The following AIM2 variants were observed in gnomAD, a reference collection of about 807,000 sequenced individuals.
The protein encoded by AIM2 is absent in melanoma 2, also known as interferon-inducible protein AIM2.
A neutral mutation model predicts 27.7 loss-of-function variants in AIM2; 30 were observed. That is an observed-to-expected ratio of 1.08 (90% CI 0.81 to 1.47). The LOEUF (loss-of-function observed/expected upper bound fraction) is 1.47, where lower values mean the gene tolerates loss of function less well. Ranked by LOEUF, AIM2 falls within the 40% of genes most tolerant of loss-of-function variation. The probability of loss-of-function intolerance (pLI) is 0.00; values close to 1 mark genes in which losing one functional copy is unlikely to be tolerated. For missense variants in AIM2, 358 were observed against 411.3 expected, an observed-to-expected ratio of 0.87 and a Z score of 1.12; for synonymous variants, 141 against 145.3, an observed-to-expected ratio of 0.97 and a Z score of 0.21.
downstream of AIM2, among the ~76,000 whole-genome samples, chr1:159,058,805 A>G (rs889170676): frequency 7.9e-5 from 12 of 152,130 alleles, no homozygotes; most frequent in Admixed American, 7.2e-4. Context: ...AACATGAAGC[A>G]TGAGGAGGGC....
chr1:159,089,222 T>C (rs1656991347), intron 1 of AIM2, among the ~76,000 whole-genome samples: 1 of 152,206 alleles, frequency 6.6e-6, no homozygotes, highest in East Asian at 1.9e-4. Context: ...CTAACAATCC[T>C]GCAAAGTGAG....
At chr1:159,060,297 G>T (rs1013787900), downstream of AIM2, among the ~76,000 whole-genome samples, 1 of 151,970 alleles carries the variant, frequency 6.6e-6, no homozygotes, top group Non-Finnish European at 1.5e-5. Flanking sequence ...TCTCTTTAAA[G>T]TTTCATCTTT....
At chr1:159,128,806 CT>C (rs1218219017) in intron 1 of AIM2, among the ~76,000 whole-genome samples, 1 of 152,176 alleles carries the variant, frequency 6.6e-6, no homozygotes. Flanking sequence ...TCAGCTCACT[CT>C]TCATATTTTA....
upstream of AIM2, among the ~76,000 whole-genome samples, chr1:159,142,813 C>A (rs2102060974): frequency 6.6e-6 from 1 of 152,330 alleles, no homozygotes; most frequent in African/African-American, 2.4e-5. Context: ...CTTCTTACCT[C>A]ACTTTCAGCT....
chr1:159,069,538 A>C lies in AIM2; in HGVS notation c.263-837T>G, dbSNP rs1041410974. ...AACTGCTGCTATGAAACAAGGGCTG[A>C]TTTCTTTCTTTTTTTTTTTTTTGAG... On this transcript the variant is annotated intron_variant, in intron 2 of 5. Transcript: ENST00000368130. Among the ~76,000 whole-genome samples, 4 of 150,282 alleles carry C rather than the reference A, an allele frequency of 2.7e-5. No individual in the cohort carries two copies. The East Asian group carries it at 7.9e-4, about 30-fold the overall frequency.
At chr1:159,106,379 G>A (rs1657447991) in intron 1 of AIM2, among the ~76,000 whole-genome samples, 2 of 152,224 alleles carry the variant, frequency 1.3e-5, no homozygotes, top group Non-Finnish European at 2.9e-5. Context: ...GCTATCACAT[G>A]TAAGTGTGTA....
chr1:159,118,001 C>T (rs1300070372), intron 1 of AIM2, among the ~76,000 whole-genome samples: 1 of 152,124 alleles, frequency 6.6e-6, no homozygotes, highest in African/African-American at 2.4e-5. Context: ...TGATATTTAA[C>T]CACTAACTAC....
At chr1:159,135,177 A>AG (rs1647990671) in intron 1 of AIM2, among the ~76,000 whole-genome samples, 1 of 152,216 alleles carries the variant, frequency 6.6e-6, no homozygotes. Flanking sequence ...GCATTTGTTG[A>AG]GTGAGTAAAT....
In AIM2 at chr1:159,073,457, C is replaced by T; in HGVS notation, c.43G>A (p.Asp15Asn). The T allele has an allele frequency of 6.2e-7, 1 of 1,614,102 alleles. No homozygotes were observed. Among genetic ancestry groups the T allele is most frequent in the East Asian group, 2.2e-5 (1 of 44,884 alleles). The change falls in exon 2 of 6, where the codon GAT becomes AAT. Residue 15 changes from aspartate to asparagine, a missense_variant. Physicochemically the swap from Asp to Asn is conservative, Grantham distance 23. Coordinates refer to ENST00000368130, the MANE Select transcript of AIM2 (RefSeq NM_004833.3). ...YKEILLLTGL[D>N]NITDEELDRF... ...TCCAGTTCCTCATCAGTGATGTTAT[C>T]CAGGCCTGTTAGCAAGAGTATCTCC...
At chr1:159,122,642 G>A (rs1647567682) in intron 1 of AIM2, among the ~76,000 whole-genome samples, 1 of 152,172 alleles carries the variant, frequency 6.6e-6, no homozygotes, top group Admixed American at 6.5e-5. Flanking sequence ...GAACGCAAAG[G>A]AACAAAGATC....
upstream of AIM2, among the ~76,000 whole-genome samples, chr1:159,141,743 C>G (rs762088915): frequency 6.6e-6 from 1 of 151,940 alleles, no homozygotes; most frequent in South Asian, 2.1e-4. Flanking sequence ...TCTGCATCAC[C>G]GAGCCATCTC....
At chr1:159,085,540 T>C (rs1656888278) in intron 1 of AIM2, among the ~76,000 whole-genome samples, 1 of 152,170 alleles carries the variant, frequency 6.6e-6, no homozygotes, top group African/African-American at 2.4e-5. Context: ...AAGAGATATG[T>C]AAATGGAGAT....
At chr1:159,121,492 A>G (rs1035647377) in intron 1 of AIM2, among the ~76,000 whole-genome samples, 39 of 151,794 alleles carry the variant, frequency 2.6e-4, no homozygotes, top group Admixed American at 6.6e-5. Context: ...TTTTTTTCCT[A>G]AATTTTTGGT....
At chr1:159,130,744 T>G (rs1430215149) in intron 1 of AIM2, among the ~76,000 whole-genome samples, 10 of 151,756 alleles carry the variant, frequency 6.6e-5, no homozygotes, top group Non-Finnish European at 1.5e-5. Context: ...TTCTCCAAAT[T>G]CTTCTGGAAT....
chr1:159,111,794 CAA>C (rs1296847078), intron 1 of AIM2, among the ~76,000 whole-genome samples: 8 of 114,932 alleles, frequency 7.0e-5, no homozygotes, highest in African/African-American at 3.2e-4. Flanking sequence ...CCCGTCTCTA[CAA>C]AAAAAAAAAA....
intron 1 of AIM2, among the ~76,000 whole-genome samples, chr1:159,075,937 A>G (rs752771319): frequency 6.6e-6 from 1 of 152,224 alleles, no homozygotes; most frequent in African/African-American, 2.4e-5. Flanking sequence ...CTAAACTATC[A>G]CTGTTAATGG....
At chr1:159,116,793 C>G (rs1404636931) in intron 1 of AIM2, among the ~76,000 whole-genome samples, 3 of 151,440 alleles carry the variant, frequency 2.0e-5, no homozygotes, top group African/African-American at 7.3e-5. Flanking sequence ...TGTAACTAAC[C>G]TGCACATTGT....
At chr1:159,140,383 T>A (rs1648088233) in intron 1 of AIM2, 1 of 152,222 alleles carries the variant, frequency 6.6e-6, no homozygotes, top group South Asian at 2.1e-4. Flanking sequence ...GCAGCAAACA[T>A]CAATCTCCCT....
At chr1:159,068,844 T>G in intron 2 of AIM2, 143 bp from the exon 3 acceptor site, 1 of 954,170 alleles carries the variant, frequency 1.0e-6, no homozygotes. Context: ...AAAATCATAT[T>G]TTAAAATGAA....
Sources: allele counts gnomAD v4.1 joint callset (sites outside exome capture counted in the v4.1 genomes callset), GRCh38; gene constraint gnomAD v4.1.1; transcripts MANE v1.5; gene names NCBI Gene and HGNC (gene_info 2026-07-23, HGNC 2026-07-21).